TJP2: variants seen among roughly 807,000 people sequenced by gnomAD.
TJP2 encodes tight junction protein 2.
TJP2 carries 91 observed loss-of-function variants against 133.1 expected under a neutral mutation model. The ratio of observed to expected loss-of-function variants is 0.68; its 90% confidence interval spans 0.58 to 0.81. TJP2 has a LOEUF of 0.81. TJP2 is among the 40% of genes least tolerant of loss of function. TJP2 has a pLI of 0.00. For missense variants in TJP2, 1,541 were observed against 1,565.6 expected, an observed-to-expected ratio of 0.98 and a Z score of 0.26; for synonymous variants, 592 against 583.4, an observed-to-expected ratio of 1.01 and a Z score of -0.21.
rs201502981 is a variant in TJP2 at position 69,163,020 on chromosome 9, A to ATTTTTTTT, written c.-10+11253_-10+11254insTTTTTTTT. ...TAATTATTTTTTAAAAAGTATCTTT[A>ATTTTTTTT]TTTTATTTTATTTTTTTTTTTTTGA... On this transcript the variant is annotated intron_variant, in intron 2 of 5. Coordinates refer to the TJP2 transcript ENST00000423935. 4.7e-5 allele frequency among the ~76,000 whole-genome samples: 4 copies of ATTTTTTTT among 86,014 alleles called. 1 individual carries two copies. Among genetic ancestry groups the ATTTTTTTT allele is most frequent in the East Asian group, 3.6e-4 (1 of 2,748 alleles). The allele number at this position is 86,014 out of a possible 152,430, so 56.4% of individuals were successfully genotyped here.
At chr9:69,174,121 G>A, upstream of TJP2, 1 of 1,218,990 alleles carries the variant, frequency 8.2e-7, no homozygotes, top group Non-Finnish European at 1.0e-6. Flanking sequence ...AGGCGCGTGG[G>A]TGGTAGCGGC....
At chr9:69,192,666 T>C (rs1320384836) in intron 1 of TJP2, among the ~76,000 whole-genome samples, 1 of 152,198 alleles carries the variant, frequency 6.6e-6, no homozygotes, top group Non-Finnish European at 1.5e-5. Context: ...CATCCGTTTC[T>C]CAGAATGTTT....
chr9:69,251,718 G>A (rs1019848725), intron 21 of TJP2, among the ~76,000 whole-genome samples: 4 of 152,086 alleles, frequency 2.6e-5, no homozygotes, highest in Admixed American at 6.6e-5. Context: ...CAGATTTGCC[G>A]TAGAAACCAA....
upstream of TJP2, among the ~76,000 whole-genome samples, chr9:69,169,606 C>T (rs1419739318): frequency 7.7e-4 from 117 of 152,186 alleles, 1 homozygote; most frequent in East Asian, 1.9e-4. Context: ...TTGATCCATC[C>T]GCCTCGGCCT....
chr9:69,141,596 T>A (rs540950598), intron 1 of TJP2, among the ~76,000 whole-genome samples: 1 of 152,226 alleles, frequency 6.6e-6, no homozygotes, highest in South Asian at 2.1e-4. Context: ...CGGCATTATT[T>A]ATTAATTCAT....
chr9:69,143,780 G>A (rs760097947), intron 1 of TJP2, among the ~76,000 whole-genome samples: 17 of 152,118 alleles, frequency 1.1e-4, no homozygotes, highest in Non-Finnish European at 1.6e-4. Context: ...TATAAACAGG[G>A]AAATTGAGGC....
chr9:69,204,177 T>C (rs1827218307), intron 1 of TJP2, among the ~76,000 whole-genome samples: 1 of 152,218 alleles, frequency 6.6e-6, no homozygotes, highest in Admixed American at 6.5e-5. Flanking sequence ...ACTCCAGATC[T>C]TGTGACTTTA....
chr9:69,140,497 C>A (rs1822973673), intron 1 of TJP2, among the ~76,000 whole-genome samples: 1 of 152,162 alleles, frequency 6.6e-6, no homozygotes, highest in African/African-American at 2.4e-5. Context: ...ATCATGTGAA[C>A]TACTCTCTCC....
intron 1 of TJP2, among the ~76,000 whole-genome samples, chr9:69,150,039 A>G (rs1823394103): frequency 6.6e-6 from 1 of 151,862 alleles, no homozygotes; most frequent in African/African-American, 2.4e-5. Context: ...AATCCCAGCT[A>G]CCTGAGAGGC....
At chr9:69,215,452 T>G (rs1477802580) in intron 2 of TJP2, among the ~76,000 whole-genome samples, 1 of 151,786 alleles carries the variant, frequency 6.6e-6, no homozygotes, top group Non-Finnish European at 1.5e-5. Context: ...AAAAGCTGCC[T>G]TGGCTTGTTG....
At chr9:69,133,804 G>A (rs1182165905) in intron 1 of TJP2, among the ~76,000 whole-genome samples, 2 of 151,970 alleles carry the variant, frequency 1.3e-5, no homozygotes, top group Non-Finnish European at 2.9e-5. Flanking sequence ...GCCTGCCTCA[G>A]CCTCCCAACG....
intron 1 of TJP2, among the ~76,000 whole-genome samples, chr9:69,210,771 A>C (rs1177740575): frequency 7.0e-6 from 1 of 142,452 alleles, no homozygotes; most frequent in Non-Finnish European, 1.5e-5. Context: ...TTTCTTATTA[A>C]ATATACAGAT....
chr9:69,137,280 T>TTTCG (rs1822800496), intron 1 of TJP2, among the ~76,000 whole-genome samples: 1 of 111,166 alleles, frequency 9.0e-6, no homozygotes, highest in African/African-American at 3.7e-5. Flanking sequence ...TTTTTCTTTC[T>TTTCG]TTCTTTCTTT....
chr9:69,150,032 C>G (rs973893193), intron 1 of TJP2, among the ~76,000 whole-genome samples: 13 of 152,070 alleles, frequency 8.5e-5, no homozygotes, highest in African/African-American at 3.1e-4. Context: ...TGCCTGTAAT[C>G]CCAGCTACCT....
At chr9:69,135,039 C>T (rs755691090) in intron 1 of TJP2, among the ~76,000 whole-genome samples, 4 of 151,780 alleles carry the variant, frequency 2.6e-5, no homozygotes, top group Non-Finnish European at 5.9e-5. Flanking sequence ...GACACTAATC[C>T]TATCATGAGA....
Position 69,225,406 on chromosome 9 carries a change from A to G in TJP2, c.1055A>G (p.Lys352Arg). Residue 352 changes from lysine (K) to arginine (R), a missense_variant and splice_region_variant, in exon 6 of 23, where the codon AAG becomes AGG. By Grantham distance (26) the Lys-to-Arg change is conservative. Transcript: ENST00000377245. ...GNLHEGDIIL[K>R]INGTVTENMS... ...CTTCACGAAGGAGACATAATTCTCA[A>G]GGTGGGTAGATGGGGGCAGAGAACG... The G allele has an allele frequency of 6.2e-7, 1 of 1,609,170 alleles. No homozygotes were observed. Among genetic ancestry groups the G allele is most frequent in the Non-Finnish European group, 8.5e-7 (1 of 1,175,838 alleles).
intron 1 of TJP2, among the ~76,000 whole-genome samples, chr9:69,211,019 C>T (rs886891330): frequency 2.6e-5 from 4 of 152,190 alleles, no homozygotes; most frequent in African/African-American, 4.8e-5. Context: ...CCACTGCACC[C>T]AGCCCTCTTC....
intron 20 of TJP2, chr9:69,249,791 C>T: frequency 1.0e-6 from 1 of 973,012 alleles, no homozygotes; most frequent in Non-Finnish European, 1.2e-6. Context: ...GTACTGTATA[C>T]CCAGAATCAC....
intron 1 of TJP2, among the ~76,000 whole-genome samples, chr9:69,178,180 C>A (rs1047147673): frequency 6.6e-5 from 10 of 152,112 alleles, no homozygotes; most frequent in African/African-American, 1.9e-4. Context: ...AAAGCATTTT[C>A]TCTACCTTTT....
Sources: allele counts gnomAD v4.1 joint callset (sites outside exome capture counted in the v4.1 genomes callset), GRCh38; gene constraint gnomAD v4.1.1; transcripts MANE v1.5; gene names NCBI Gene and HGNC (gene_info 2026-07-23, HGNC 2026-07-21).